Variants in URAD observed in about 807,000 individuals in gnomAD.
The protein encoded by URAD is ureidoimidazoline (2-oxo-4-hydroxy-4-carboxy-5-) decarboxylase, also known as putative 2-oxo-4-hydroxy-4-carboxy-5-ureidoimidazoline decarboxylase.
URAD carries 4 observed loss-of-function variants against 4.6 expected under a neutral mutation model. That is an observed-to-expected ratio of 0.87 (90% CI 0.43 to 1.98). The LOEUF (loss-of-function observed/expected upper bound fraction) is 1.98, where lower values mean the gene tolerates loss of function less well. URAD is among the 30% of genes most tolerant of loss of function. The pLI, the probability that URAD is intolerant of heterozygous loss-of-function variation, is 0.03. For synonymous variants in URAD, 144 were observed against 118.2 expected (o/e 1.22, Z -1.41); for missense variants, 300 against 255.3 (o/e 1.18, Z -1.19).
At position 27,978,016 on chromosome 13, in the gene URAD, C is replaced by A. The variant is rs748509603; in HGVS notation, c.*90G>T. 1.8e-6 allele frequency: 2 copies of A among 1,136,322 alleles called. No homozygotes were observed. Among genetic ancestry groups the A allele is most frequent in the Non-Finnish European group, 2.3e-6 (2 of 861,406 alleles). 70.4% of individuals were successfully genotyped at this position (1,136,322 alleles called of 1,614,324 possible). A position where few individuals can be genotyped will look rare whatever the true frequency, so the allele number is the denominator to read the frequency against. On this transcript the variant is annotated 3_prime_UTR_variant, in exon 2 of 2. Coordinates refer to ENST00000332715, the MANE Select transcript of URAD (RefSeq NM_001105577.2). ...ACGTGTGTGGACGCTGTTCCAGGCC[C>A]GAGTCCGCCTCCCGCCCAGGACGCA...
At position 27,985,238 on chromosome 13, in the gene URAD, A is replaced by G. The variant is rs568494027; in HGVS notation, c.175+3225T>C. 9.2e-5 allele frequency among the ~76,000 whole-genome samples: 14 copies of G among 152,276 alleles called. No homozygotes were observed. In the South Asian group the frequency reaches 2.9e-3, roughly 32 times the overall value. ...TTTGGGAGGCCAAGGTGGGCGGATC[A>G]CTTGAGGTCAGGAATTTGAGACAAG... On this transcript the variant is annotated intron_variant, in intron 1 of 1. Transcript: ENST00000332715.
intron 1 of URAD, among the ~76,000 whole-genome samples, chr13:27,981,512 C>T (rs565839213): frequency 7.9e-5 from 12 of 152,224 alleles, no homozygotes; most frequent in African/African-American, 1.2e-4. Flanking sequence ...TGTTATTTGC[C>T]GGGACCACAG....
intron 1 of URAD, among the ~76,000 whole-genome samples, chr13:27,988,046 C>A (rs759839601): frequency 1.3e-5 from 2 of 152,198 alleles, no homozygotes; most frequent in Non-Finnish European, 2.9e-5. Context: ...GCAATCTCCG[C>A]TTCCCAGGCT....
At chr13:27,986,825 C>T (rs1009950193) in intron 1 of URAD, among the ~76,000 whole-genome samples, 5 of 152,162 alleles carry the variant, frequency 3.3e-5, no homozygotes, top group African/African-American at 1.2e-4. Context: ...CTCCTTCCGG[C>T]CTGCCCTGCA....
Position 27,988,520 on chromosome 13 carries a change from C to T in URAD, c.118G>A (p.Asp40Asn). 1 of 1,613,882 alleles carries T rather than the reference C, an allele frequency of 6.2e-7. No homozygotes were observed. The highest frequency in any genetic ancestry group is 8.5e-7 in the Non-Finnish European group (1 of 1,179,802). The change falls in exon 1 of 2, where the codon GAT becomes AAT. Residue 40 changes from aspartate (D) to asparagine (N), a missense_variant. Physicochemically the swap from Asp to Asn is conservative, Grantham distance 23 (BLOSUM62 1). Coordinates refer to ENST00000332715, the MANE Select transcript of URAD (RefSeq NM_001105577.2). Reference sequence around the variant, plus strand: ...AAGTGCTTCTCTAAATCTTCCAAATCAGAGAATGGCCGCTGGGACCAAACA... The same window carrying T: ...AAGTGCTTCTCTAAATCTTCCAAATTAGAGAATGGCCGCTGGGACCAAACA... ...AAVWSQRPFS[D>N]LEDLEKHFFA...
Position 27,977,991 on chromosome 13 carries a change from A to C in URAD, c.*115T>G. Reference sequence around the variant, plus strand: ...CCTCAATTCTCCACTTCCTTTGTGCACGTGTGTGGACGCTGTTCCAGGCCC... The same window carrying C: ...CCTCAATTCTCCACTTCCTTTGTGCCCGTGTGTGGACGCTGTTCCAGGCCC... On this transcript the variant is annotated 3_prime_UTR_variant, in exon 2 of 2. Coordinates refer to ENST00000332715, the MANE Select transcript of URAD (RefSeq NM_001105577.2). 1 of 821,360 alleles carries C rather than the reference A, an allele frequency of 1.2e-6. No individual in the cohort carries two copies. The allele number at this position is 821,360 out of a possible 1,614,324, so 50.9% of individuals were successfully genotyped here.
At chr13:27,982,352 C>T (rs1403247523) in intron 1 of URAD, among the ~76,000 whole-genome samples, 3 of 152,094 alleles carry the variant, frequency 2.0e-5, no homozygotes, top group African/African-American at 4.8e-5. Context: ...ACCCGGGAGG[C>T]GGAGGTTACA....
chr13:27,978,586 G>A (rs1869789733), intron 1 of URAD, 134 bp from the exon 2 acceptor site: 4 of 661,766 alleles, frequency 6.0e-6, no homozygotes, highest in Non-Finnish European at 8.5e-6. Context: ...GAAGGCTGCG[G>A]GAGGGTGAAG....
intron 1 of URAD, 125 bp from the exon 2 acceptor site, chr13:27,978,577 A>T (rs893760948): frequency 2.7e-5 from 20 of 731,476 alleles, no homozygotes; most frequent in Non-Finnish European, 3.6e-5. Flanking sequence ...GGCCCCAAAG[A>T]AGGCTGCGGG....
chr13:27,978,271 G>C lies in URAD; in HGVS notation c.357C>G (p.Phe119Leu), dbSNP rs761797898. The C allele has an allele frequency of 9.8e-6, 14 of 1,430,968 alleles. No individual in the cohort carries two copies. In the South Asian group the frequency reaches 1.9e-4, roughly 19 times the overall value. The allele number at this position is 1,430,968 out of a possible 1,614,324, so 88.6% of individuals were successfully genotyped here. Residue 119 changes from phenylalanine (F) to leucine (L), a missense_variant, in exon 2 of 2, where the codon TTC (phenylalanine) becomes TTG (leucine). By Grantham distance (22) the Phe-to-Leu change is conservative. Transcript: ENST00000332715. Reference sequence around the variant, plus strand: ...GGTCGCTGAAGCGCGCGGCGAGCACGAAGGGGAAACCGAAGCGCGCGCGGT... The same window carrying C: ...GGTCGCTGAAGCGCGCGGCGAGCACCAAGGGGAAACCGAAGCGCGCGCGGT... ...AQYRARFGFP[F>L]VLAARFSDRT...
In URAD at chr13:27,977,891, T is replaced by C; in HGVS notation, c.*215A>G. On this transcript the variant is annotated 3_prime_UTR_variant, in exon 2 of 2. Transcript: ENST00000332715. ...GCTGGATAAATCCGGGGCAAAGCAC[T>C]AAACAATATGGATATTTTGGCAACG... The C allele has an allele frequency of 2.0e-6, 1 of 493,438 alleles. No individual in the cohort carries two copies. The allele number at this position is 493,438 out of a possible 1,614,324, so 30.6% of individuals were successfully genotyped here. A position where few individuals can be genotyped will look rare whatever the true frequency, so the allele number is the denominator to read the frequency against.
chr13:27,986,486 G>GCC (rs1870031698), intron 1 of URAD, among the ~76,000 whole-genome samples: 1 of 152,104 alleles, frequency 6.6e-6, no homozygotes, highest in East Asian at 1.9e-4. Context: ...GGATTGTGGG[G>GCC]AGTGTTGGTG....
intron 1 of URAD, among the ~76,000 whole-genome samples, chr13:27,982,258 G>A (rs1425607927): frequency 2.6e-5 from 4 of 152,082 alleles, no homozygotes; most frequent in Admixed American, 6.6e-5. Flanking sequence ...GTGAAACCTC[G>A]TCTCTACTAA....
intron 1 of URAD, among the ~76,000 whole-genome samples, chr13:27,981,009 T>G (rs1869858299): frequency 1.1e-5 from 1 of 88,330 alleles, no homozygotes; most frequent in Admixed American, 1.5e-4. Context: ...TTCAGTCGCT[T>G]CTCTCTCTCT....
chr13:27,986,793 G>A (rs545661147), intron 1 of URAD, among the ~76,000 whole-genome samples: 2 of 152,310 alleles, frequency 1.3e-5, no homozygotes, highest in South Asian at 4.1e-4. Context: ...GACATTGAGA[G>A]GGTGGGCTCC....
rs1462536056 is a variant in URAD at position 27,978,046 on chromosome 13, T to G, written c.*60A>C. ...CCGCCTCCCGCCCAGGACGCACAGC[T>G]CCGGGCCGTGGCCCCCGCGCGTCCG... is the stretch of plus-strand genomic sequence containing the variant. On this transcript the variant is annotated 3_prime_UTR_variant, in exon 2 of 2. Coordinates refer to ENST00000332715, the MANE Select transcript of URAD (RefSeq NM_001105577.2). 1 of 1,357,970 alleles carries G rather than the reference T, an allele frequency of 7.4e-7. No homozygotes were observed. The highest frequency in any genetic ancestry group is 1.5e-5 in the African/African-American group (1 of 64,864). The allele number at this position is 1,357,970 out of a possible 1,614,324, so 84.1% of individuals were successfully genotyped here.
In URAD at chr13:27,977,998, TG is replaced by T; in HGVS notation, c.*107del. 3 of 901,630 alleles carry T rather than the reference TG, an allele frequency of 3.3e-6. No individual in the cohort carries two copies. The highest frequency in any genetic ancestry group is 4.6e-6 in the Non-Finnish European group (3 of 647,870). 55.9% of individuals were successfully genotyped at this position (901,630 alleles called of 1,614,324 possible). The stretch of plus-strand genomic sequence containing the variant: ...TCTCCACTTCCTTTGTGCACGTGTG[TG>T]GACGCTGTTCCAGGCCCGAGTCCGC... On this transcript the variant is annotated 3_prime_UTR_variant, in exon 2 of 2. Coordinates refer to ENST00000332715, the MANE Select transcript of URAD (RefSeq NM_001105577.2).
intron 1 of URAD, among the ~76,000 whole-genome samples, chr13:27,984,417 C>T (rs776754199): frequency 3.3e-5 from 5 of 152,148 alleles, no homozygotes; most frequent in Non-Finnish European, 5.9e-5. Context: ...TGCCCAATAG[C>T]ACTAGAGCTC....
chr13:27,980,471 A>G (rs1168510963), intron 1 of URAD, among the ~76,000 whole-genome samples: 1 of 152,202 alleles, frequency 6.6e-6, no homozygotes, highest in Admixed American at 6.5e-5. Flanking sequence ...GCGCTCACCC[A>G]GGCCCAGGAC....
Sources: allele counts gnomAD v4.1 joint callset (sites outside exome capture counted in the v4.1 genomes callset), GRCh38; gene constraint gnomAD v4.1.1; transcripts MANE v1.5; gene names NCBI Gene and HGNC (gene_info 2026-07-23, HGNC 2026-07-21).